SLC30A4: variants seen among roughly 807,000 people sequenced by gnomAD.
SLC30A4 encodes the protein solute carrier family 30 member 4, also known as probable proton-coupled zinc antiporter SLC30A4.
A neutral mutation model predicts 41.7 loss-of-function variants in SLC30A4; 20 were observed. The observed-to-expected ratio is 0.48, with a 90% CI of 0.34 to 0.70. SLC30A4 has a LOEUF of 0.70. Ranked by LOEUF, SLC30A4 falls within the 30% of genes least tolerant of loss-of-function variation. SLC30A4 has a pLI of 0.01. For synonymous variants in SLC30A4, 181 were observed against 195.9 expected (o/e 0.92, Z 0.64); for missense variants, 441 against 529.3 (o/e 0.83, Z 1.64).
chr15:45,494,662 C>T (rs568428210), intron 3 of SLC30A4, among the ~76,000 whole-genome samples: 118 of 151,822 alleles, frequency 7.8e-4, no homozygotes, highest in Non-Finnish European at 1.4e-3. Flanking sequence ...CACTCCAGCC[C>T]GGGTGGCAGA....
intron 3 of SLC30A4, among the ~76,000 whole-genome samples, chr15:45,508,521 G>A (rs548254109): frequency 1.3e-4 from 20 of 152,248 alleles, no homozygotes; most frequent in Non-Finnish European, 2.8e-4. Flanking sequence ...CTAGTTCAGA[G>A]TATGTTCTAC....
At chr15:45,493,851 C>T (rs1891857087) in intron 3 of SLC30A4, among the ~76,000 whole-genome samples, 1 of 151,756 alleles carries the variant, frequency 6.6e-6, no homozygotes, top group African/African-American at 2.4e-5. Flanking sequence ...AAAAAACACT[C>T]CTATAAAAAC....
chr15:45,492,930 A>C (rs1379176852), intron 3 of SLC30A4, among the ~76,000 whole-genome samples: 1 of 152,176 alleles, frequency 6.6e-6, no homozygotes, highest in Non-Finnish European at 1.5e-5. Flanking sequence ...GAAGCAAAAT[A>C]ATTTTGTATC....
chr15:45,517,748 A>C (rs1002126852), intron 2 of SLC30A4, among the ~76,000 whole-genome samples: 7 of 151,840 alleles, frequency 4.6e-5, no homozygotes, highest in Non-Finnish European at 1.0e-4. Context: ...GGAGATTGAG[A>C]CCATCCTGGC....
chr15:45,522,499 AGGC>A, intron 1 of SLC30A4, 31 bp from the exon 2 acceptor site: 1 of 853,630 alleles, frequency 1.2e-6, no homozygotes, highest in Non-Finnish European at 1.7e-6. Flanking sequence ...TATAAATTAA[AGGC>A]GCCCAACCCT....
At chr15:45,490,690 G>A in intron 4 of SLC30A4, 38 bp downstream of exon 4, 4 of 1,446,080 alleles carry the variant, frequency 2.8e-6, no homozygotes, top group Middle Eastern at 2.0e-4. Flanking sequence ...TGAGTTCACA[G>A]TACTTGAAAA....
At chr15:45,488,344 G>A (rs1293585087) in intron 5 of SLC30A4, among the ~76,000 whole-genome samples, 1 of 152,110 alleles carries the variant, frequency 6.6e-6, no homozygotes, top group Admixed American at 6.6e-5. Context: ...AGGCTGAGGT[G>A]GGTGGATCAC....
At chr15:45,505,790 G>A (rs926413302) in intron 3 of SLC30A4, among the ~76,000 whole-genome samples, 10 of 152,194 alleles carry the variant, frequency 6.6e-5, no homozygotes, top group Admixed American at 5.9e-4. Flanking sequence ...GGAAGGATAG[G>A]CTAGAAACCA....
intron 3 of SLC30A4, among the ~76,000 whole-genome samples, chr15:45,506,612 T>C (rs769636155): frequency 3.3e-5 from 5 of 152,210 alleles, no homozygotes; most frequent in Non-Finnish European, 5.9e-5. Context: ...AACTAAGTTT[T>C]TTCTTCCAAA....
chr15:45,509,859 C>T (rs908823095), intron 3 of SLC30A4, among the ~76,000 whole-genome samples: 1 of 152,146 alleles, frequency 6.6e-6, no homozygotes, highest in Non-Finnish European at 1.5e-5. Context: ...AGGAGTTTGA[C>T]ATCAGCCTGG....
rs1274190601 is a variant in SLC30A4 at position 45,522,450 on chromosome 15, C to T, written c.-96G>A. The T allele has an allele frequency of 1.7e-6, 2 of 1,150,996 alleles. No homozygotes were observed. The highest frequency in any genetic ancestry group is 1.2e-6 in the Non-Finnish European group (1 of 829,130). The allele number at this position is 1,150,996 out of a possible 1,614,324, so 71.3% of individuals were successfully genotyped here. A position where few individuals can be genotyped will look rare whatever the true frequency, so the allele number is the denominator to read the frequency against. ...GGAGCGCCAGTTCTCGAGGGCAGTG[C>T]CGCGCGTCCCTCCCCATCCTGTGGA... On this transcript the variant is annotated 5_prime_UTR_variant, in exon 2 of 8. Transcript: ENST00000261867.
At chr15:45,513,201 CTTTTT>C (rs539115300) in intron 2 of SLC30A4, among the ~76,000 whole-genome samples, 1 of 130,152 alleles carries the variant, frequency 7.7e-6, no homozygotes, top group African/African-American at 2.8e-5. Flanking sequence ...ATTAATTAAA[CTTTTT>C]TTTTTTTTTT....
intron 5 of SLC30A4, among the ~76,000 whole-genome samples, chr15:45,487,960 A>G (rs1325812959): frequency 7.2e-6 from 1 of 139,666 alleles, no homozygotes; most frequent in Non-Finnish European, 1.6e-5. Context: ...GCTGGAAAAA[A>G]GTGTGTGTGT....
chr15:45,511,369 C>A, intron 2 of SLC30A4, 85 bp from the exon 3 acceptor site: 1 of 866,630 alleles, frequency 1.2e-6, no homozygotes, highest in East Asian at 2.7e-5. Flanking sequence ...CAATATCCTA[C>A]AAAACATGAA....
At chr15:45,496,804 T>A (rs1891914284) in intron 3 of SLC30A4, among the ~76,000 whole-genome samples, 1 of 151,338 alleles carries the variant, frequency 6.6e-6, no homozygotes, top group Non-Finnish European at 1.5e-5. Context: ...GAGACCAGCC[T>A]GGGAAACATG....
At chr15:45,508,372 G>C (rs540035168) in intron 3 of SLC30A4, among the ~76,000 whole-genome samples, 1 of 152,292 alleles carries the variant, frequency 6.6e-6, no homozygotes, top group East Asian at 1.9e-4. Flanking sequence ...AGAGGTAGGA[G>C]TAAGAAGGGA....
intron 5 of SLC30A4, among the ~76,000 whole-genome samples, chr15:45,487,840 T>C (rs1052780941): frequency 6.6e-6 from 1 of 152,118 alleles, no homozygotes; most frequent in Admixed American, 6.6e-5. Context: ...TTTCCAGAAA[T>C]GTAATCACTT....
chr15:45,511,069 ATCAGGGTTATAGT>A, intron 3 of SLC30A4, 56 bp downstream of exon 3: 1 of 1,217,188 alleles, frequency 8.2e-7, no homozygotes, highest in Non-Finnish European at 1.2e-6. Flanking sequence ...AGTTCAGTTA[ATCAGGGTTATAGT>A]TCATTGTGGT....
chr15:45,495,881 C>T (rs1248608622), intron 3 of SLC30A4, among the ~76,000 whole-genome samples: 1 of 152,132 alleles, frequency 6.6e-6, no homozygotes, highest in Non-Finnish European at 1.5e-5. Flanking sequence ...TCAATGATAT[C>T]CCTTTTCTAG....
Sources: allele counts gnomAD v4.1 joint callset (sites outside exome capture counted in the v4.1 genomes callset), GRCh38; gene constraint gnomAD v4.1.1; transcripts MANE v1.5; gene names NCBI Gene and HGNC (gene_info 2026-07-23, HGNC 2026-07-21).